Variants in CCSER1 observed in about 807,000 individuals in gnomAD.
CCSER1 encodes the protein serine-rich coiled-coil domain-containing protein 1.
In CCSER1, 41 loss-of-function variants were observed where a neutral mutation model predicts 82.0. The observed-to-expected ratio is 0.50, with a 90% CI of 0.39 to 0.65. The LOEUF (loss-of-function observed/expected upper bound fraction) is 0.65, where lower values mean the gene tolerates loss of function less well. CCSER1 is among the 30% of genes least tolerant of loss of function. The pLI, the probability that CCSER1 is intolerant of heterozygous loss-of-function variation, is 0.00. For missense variants in CCSER1, 1,119 were observed against 1,064.2 expected (o/e 1.05, Z -0.72); for synonymous variants, 414 against 383.9 (o/e 1.08, Z -0.92).
intron 10 of CCSER1, among the ~76,000 whole-genome samples, chr4:91,125,875 T>C (rs1212175884): frequency 6.6e-6 from 1 of 151,530 alleles, no homozygotes. Context: ...ATTTCACAGG[T>C]TTAATAAATC....
intron 3 of CCSER1, among the ~76,000 whole-genome samples, chr4:90,314,114 T>A (rs1735756991): frequency 1.3e-5 from 2 of 152,192 alleles, no homozygotes; most frequent in South Asian, 4.1e-4. Context: ...AATCGTTTTT[T>A]TCTGGTGTGA....
At chr4:90,788,092 C>A (rs1247052745) in intron 7 of CCSER1, among the ~76,000 whole-genome samples, 1 of 152,084 alleles carries the variant, frequency 6.6e-6, no homozygotes, top group Admixed American at 6.6e-5. Flanking sequence ...CTGATAAGCC[C>A]ATCAATTTCT....
At chr4:90,806,573 G>C (rs1378476323) in intron 7 of CCSER1, among the ~76,000 whole-genome samples, 2 of 152,158 alleles carry the variant, frequency 1.3e-5, no homozygotes, top group African/African-American at 4.8e-5. Flanking sequence ...GCTTCCAGGA[G>C]TGTGGCTAGC....
chr4:91,554,835 A>C (rs1290289422), intron 10 of CCSER1, among the ~76,000 whole-genome samples: 2 of 151,250 alleles, frequency 1.3e-5, no homozygotes, highest in Non-Finnish European at 3.0e-5. Flanking sequence ...CCATAAAAAC[A>C]CATATAGAAC....
chr4:91,353,287 G>T (rs1459112639), intron 10 of CCSER1, among the ~76,000 whole-genome samples: 2 of 141,352 alleles, frequency 1.4e-5, no homozygotes, highest in African/African-American at 2.5e-5. Flanking sequence ...ACATGAAAGG[G>T]TCGTGATTGA....
chr4:91,000,594 T>A (rs1350297888), intron 9 of CCSER1, among the ~76,000 whole-genome samples: 1 of 152,096 alleles, frequency 6.6e-6, no homozygotes, highest in African/African-American at 2.4e-5. Flanking sequence ...CATCTATGAT[T>A]TTTTTTAGCA....
chr4:91,413,584 G>T (rs1038636279), intron 10 of CCSER1, among the ~76,000 whole-genome samples: 2 of 151,950 alleles, frequency 1.3e-5, no homozygotes, highest in African/African-American at 4.8e-5. Context: ...GTGAATATAT[G>T]AATTAAGAGC....
chr4:90,863,024 G>T (rs2149994930), intron 8 of CCSER1, among the ~76,000 whole-genome samples: 1 of 149,160 alleles, frequency 6.7e-6, no homozygotes, highest in Non-Finnish European at 1.5e-5. Context: ...GTGCCATGCT[G>T]GTGTGCTGCA....
chr4:90,523,504 C>T (rs1197573412), intron 5 of CCSER1, among the ~76,000 whole-genome samples: 1 of 152,082 alleles, frequency 6.6e-6, no homozygotes, highest in Non-Finnish European at 1.5e-5. Flanking sequence ...CTTCTTTTAC[C>T]TGTACTACAT....
At chr4:90,220,376 G>A (rs528098153) in intron 1 of CCSER1, among the ~76,000 whole-genome samples, 28 of 151,696 alleles carry the variant, frequency 1.8e-4, no homozygotes, top group African/African-American at 6.8e-4. Context: ...CTTCTCTGGG[G>A]CTTATTCTTC....
rs547260959 is a variant in CCSER1 at position 90,950,722 on chromosome 4, A to G, written c.2172+27275A>G. ...GGGTTTCAGCCTGGTTATCTTGGGT[A>G]TAGAGATAACCACTTTTGCTGACTC... On this transcript the variant is annotated intron_variant, in intron 9 of 10. Transcript: ENST00000509176. Among the ~76,000 whole-genome samples, 5 of 152,210 alleles carry G rather than the reference A, an allele frequency of 3.3e-5. No individual in the cohort carries two copies. In the East Asian group the frequency reaches 9.7e-4, roughly 29 times the overall value.
chr4:91,155,173 T>G (rs1730688504), intron 10 of CCSER1, among the ~76,000 whole-genome samples: 1 of 151,936 alleles, frequency 6.6e-6, no homozygotes, highest in Non-Finnish European at 1.5e-5. Context: ...CAACCAAATC[T>G]CACCTTGAAT....
chr4:91,146,580 C>CTTCT (rs3971344), intron 10 of CCSER1, among the ~76,000 whole-genome samples: 107,832 of 149,452 alleles, frequency 0.72, 39,038 homozygotes, highest in Non-Finnish European at 0.78. Context: ...TTATCTTCTT[C>CTTCT]TTTTTTTTTT....
At chr4:90,462,334 C>T (rs1056137289) in intron 4 of CCSER1, among the ~76,000 whole-genome samples, 1 of 152,150 alleles carries the variant, frequency 6.6e-6, no homozygotes, top group Non-Finnish European at 1.5e-5. Flanking sequence ...AGCTGACTAT[C>T]AGGCAGAGCA....
At chr4:90,770,452 C>A (rs1431848863) in intron 7 of CCSER1, among the ~76,000 whole-genome samples, 3 of 152,096 alleles carry the variant, frequency 2.0e-5, no homozygotes, top group Non-Finnish European at 4.4e-5. Context: ...CATGGGTCAT[C>A]CAAGTCAATA....
At chr4:91,196,949 G>A (rs1041563528) in intron 10 of CCSER1, among the ~76,000 whole-genome samples, 1 of 152,080 alleles carries the variant, frequency 6.6e-6, no homozygotes, top group Non-Finnish European at 1.5e-5. Flanking sequence ...TATTGGTCAG[G>A]GAGCTAGCTC....
In CCSER1 at chr4:91,003,297, T is replaced by A. The variant is rs146236836; in HGVS notation, c.2172+79850T>A. 3.3e-3 allele frequency among the ~76,000 whole-genome samples: 495 copies of A among 152,250 alleles called. 3 individuals are homozygous for A. Among genetic ancestry groups the A allele is most frequent in the Non-Finnish European group, 5.4e-3 (364 of 68,014 alleles). ...AGGCCCTAGAACTCCCAAGAGTATA[T>A]GCCCTTTGTCTTCAGTTACCAGGGT... On this transcript the variant is annotated intron_variant, in intron 9 of 10. Transcript: ENST00000509176.
chr4:91,524,714 G>T (rs1760681348), intron 10 of CCSER1, among the ~76,000 whole-genome samples: 1 of 152,108 alleles, frequency 6.6e-6, no homozygotes, highest in Non-Finnish European at 1.5e-5. Context: ...ACAACAATTA[G>T]CCAAGAGTGA....
At chr4:90,572,820 C>T (rs1344604791) in intron 5 of CCSER1, among the ~76,000 whole-genome samples, 6 of 152,130 alleles carry the variant, frequency 3.9e-5, no homozygotes, top group African/African-American at 1.4e-4. Context: ...GTTTATACAT[C>T]CTCATTTATT....
Sources: allele counts gnomAD v4.1 joint callset (sites outside exome capture counted in the v4.1 genomes callset), GRCh38; gene constraint gnomAD v4.1.1; transcripts MANE v1.5; gene names NCBI Gene and HGNC (gene_info 2026-07-23, HGNC 2026-07-21).